TRDN: variants seen among roughly 807,000 people sequenced by gnomAD.
TRDN encodes the protein triadin in skeletal muscle.
In TRDN, 161 loss-of-function variants were observed where a neutral mutation model predicts 149.7. The ratio of observed to expected loss-of-function variants is 1.08; its 90% CI spans 0.95 to 1.23. The LOEUF is 1.23. TRDN is among the 50% of genes most tolerant of loss of function. TRDN has a pLI of 0.00. For missense variants in TRDN, 896 were observed against 823.5 expected, an observed-to-expected ratio of 1.09 and a Z score of -1.08; for synonymous variants, 294 against 250.5, an observed-to-expected ratio of 1.17 and a Z score of -1.64.
rs9388211 is a variant in TRDN, at chr6:123,301,764, T to C, written c.1510+14693A>G. 3.3e-3 allele frequency among the ~76,000 whole-genome samples: 266 copies of C among 80,418 alleles called. 2 individuals are homozygous for C. Among genetic ancestry groups the C allele is most frequent in the African/African-American group, 4.4e-3 (118 of 27,100 alleles). 52.8% of individuals were successfully genotyped at this position (80,418 alleles called of 152,430 possible). ...ATGTATATATATACATATATATATA[T>C]ATATACATATATATATATATATACA... On this transcript the variant is annotated intron_variant, in intron 24 of 40. Coordinates refer to ENST00000334268, the MANE Select transcript of TRDN (RefSeq NM_006073.4).
At chr6:123,359,774 C>A (rs1780825133) in intron 20 of TRDN, among the ~76,000 whole-genome samples, 1 of 152,140 alleles carries the variant, frequency 6.6e-6, no homozygotes, top group Non-Finnish European at 1.5e-5. Flanking sequence ...CGGCTCACCG[C>A]AAGCTCCGCC....
intron 12 of TRDN, among the ~76,000 whole-genome samples, chr6:123,428,938 T>G (rs1339437972): frequency 6.6e-6 from 1 of 152,182 alleles, no homozygotes; most frequent in Admixed American, 6.5e-5. Context: ...TTATTAAATA[T>G]TTTTTGAGTG....
chr6:123,355,532 TTGA>T (rs1328027906), intron 20 of TRDN, among the ~76,000 whole-genome samples: 2 of 151,758 alleles, frequency 1.3e-5, no homozygotes, highest in Non-Finnish European at 3.0e-5. Flanking sequence ...AAGATAATTC[TTGA>T]TATCTACTAC....
At chr6:123,589,474 C>T (rs566810710) in intron 1 of TRDN, among the ~76,000 whole-genome samples, 4 of 152,110 alleles carry the variant, frequency 2.6e-5, no homozygotes, top group African/African-American at 9.7e-5. Context: ...AATGACATGC[C>T]ATTTCAATTT....
intron 10 of TRDN, among the ~76,000 whole-genome samples, chr6:123,442,563 A>G (rs1182823370): frequency 3.7e-5 from 1 of 26,744 alleles, no homozygotes; most frequent in African/African-American, 1.7e-4. Context: ...AAAAAAAAAG[A>G]AAAAAAAAAA....
At chr6:123,527,693 T>C (rs1309086031) in intron 5 of TRDN, among the ~76,000 whole-genome samples, 1 of 151,792 alleles carries the variant, frequency 6.6e-6, no homozygotes, top group African/African-American at 2.4e-5. Context: ...AAATTATGGT[T>C]GGAAGTTTTT....
intron 9 of TRDN, among the ~76,000 whole-genome samples, chr6:123,490,206 A>T (rs528611782): frequency 6.6e-6 from 1 of 152,352 alleles, no homozygotes; most frequent in South Asian, 2.1e-4. Context: ...ATACTATAGT[A>T]GTTCCCTCTT....
chr6:123,243,680 A>G (rs543470842), intron 38 of TRDN, among the ~76,000 whole-genome samples: 21 of 152,272 alleles, frequency 1.4e-4, no homozygotes, highest in Middle Eastern at 3.4e-3. Context: ...AAAATCAAGT[A>G]AAAGAAAGAA....
intron 24 of TRDN, among the ~76,000 whole-genome samples, chr6:123,315,345 A>G (rs1054583615): frequency 2.0e-5 from 3 of 151,902 alleles, no homozygotes; most frequent in African/African-American, 7.2e-5. Context: ...AAATTGTTCA[A>G]CTTTTCATTG....
intron 9 of TRDN, among the ~76,000 whole-genome samples, chr6:123,480,788 G>A (rs1583118025): frequency 6.6e-6 from 1 of 151,984 alleles, no homozygotes; most frequent in Admixed American, 6.6e-5. Flanking sequence ...GAGATAGGAG[G>A]CTTGACATTT....
At chr6:123,496,118 A>T (rs1778435906) in intron 9 of TRDN, among the ~76,000 whole-genome samples, 1 of 147,078 alleles carries the variant, frequency 6.8e-6, no homozygotes, top group East Asian at 2.0e-4. Context: ...TATTATATAT[A>T]ATATATATTT....
chr6:123,535,933 A>G (rs1364668176), intron 4 of TRDN, among the ~76,000 whole-genome samples: 1 of 152,158 alleles, frequency 6.6e-6, no homozygotes, highest in East Asian at 1.9e-4. Context: ...AAATATGTGC[A>G]TCTCTGACAT....
intron 1 of TRDN, among the ~76,000 whole-genome samples, chr6:123,592,965 A>G (rs1426139557): frequency 6.6e-6 from 1 of 152,222 alleles, no homozygotes; most frequent in South Asian, 2.1e-4. Flanking sequence ...GATACACATT[A>G]TATATTCAAA....
intron 5 of TRDN, chr6:123,529,369 T>C (rs1484070217): frequency 6.5e-7 from 1 of 1,546,350 alleles, no homozygotes; most frequent in Non-Finnish European, 8.7e-7. Context: ...AGTACAAATA[T>C]AAATAGGTTT....
At chr6:123,545,077 A>G (rs2114419212) in intron 4 of TRDN, among the ~76,000 whole-genome samples, 1 of 152,120 alleles carries the variant, frequency 6.6e-6, no homozygotes, top group Middle Eastern at 3.4e-3. Context: ...GATATAGGGC[A>G]GTTGAATAAA....
chr6:123,383,735 T>A (rs185610791), intron 14 of TRDN, among the ~76,000 whole-genome samples: 2 of 152,110 alleles, frequency 1.3e-5, no homozygotes, highest in Admixed American at 6.6e-5. Flanking sequence ...TGAAGAAAGA[T>A]TAGAAGAAAA....
chr6:123,571,245 G>T, intron 1 of TRDN, 113 bp from the exon 2 acceptor site: 1 of 1,093,582 alleles, frequency 9.1e-7, no homozygotes, highest in African/African-American at 1.6e-5. Flanking sequence ...TTCTAGAGCA[G>T]CACAACTCCT....
intron 1 of TRDN, among the ~76,000 whole-genome samples, chr6:123,579,177 G>T: frequency 6.6e-6 from 1 of 152,116 alleles, no homozygotes; most frequent in Admixed American, 6.6e-5. Flanking sequence ...CCAATACTAT[G>T]TTGAAGAAGA....
chr6:123,460,170 AG>A (rs1403939228), intron 10 of TRDN, among the ~76,000 whole-genome samples: 16 of 152,220 alleles, frequency 1.1e-4, no homozygotes, highest in Admixed American at 4.6e-4. Context: ...GACATGTAAA[AG>A]CTTTAGCTGT....
Sources: allele counts gnomAD v4.1 joint callset (sites outside exome capture counted in the v4.1 genomes callset), GRCh38; gene constraint gnomAD v4.1.1; transcripts MANE v1.5; gene names NCBI Gene and HGNC (gene_info 2026-07-23, HGNC 2026-07-21).